The following EDIL3 variants were observed in gnomAD, a reference collection of about 807,000 sequenced individuals.
EDIL3 encodes EGF-like repeat and discoidin I-like domain-containing protein 3.
EDIL3 carries 37 observed loss-of-function variants against 67.4 expected under a neutral mutation model. That is an observed-to-expected ratio of 0.55 (90% confidence interval 0.42 to 0.72). The LOEUF is 0.72. Among genes scored for constraint, EDIL3 ranks in the 30% least tolerant of loss-of-function variants. The pLI is 0.00. For synonymous variants in EDIL3, 195 were observed against 196.3 expected, an observed-to-expected ratio of 0.99 and a Z score of 0.05; for missense variants, 527 against 586.3, an observed-to-expected ratio of 0.90 and a Z score of 1.04.
intron 9 of EDIL3, among the ~76,000 whole-genome samples, chr5:84,025,722 T>C (rs531474393): frequency 6.6e-6 from 1 of 152,134 alleles, no homozygotes; most frequent in Non-Finnish European, 1.5e-5. Context: ...AGATAAATTA[T>C]ATGAAAGCAA....
chr5:84,307,212 T>G (rs1746289914), intron 1 of EDIL3, among the ~76,000 whole-genome samples: 2 of 152,164 alleles, frequency 1.3e-5, no homozygotes. Flanking sequence ...TTTCATGGAA[T>G]AAGTGAATCC....
chr5:84,071,667 A>G (rs180760305), intron 6 of EDIL3, among the ~76,000 whole-genome samples: 1 of 152,320 alleles, frequency 6.6e-6, no homozygotes. Flanking sequence ...AGGGAAGAGG[A>G]TGGATTGCTG....
chr5:84,130,822 T>G (rs145571595), intron 5 of EDIL3, among the ~76,000 whole-genome samples: 4 of 152,248 alleles, frequency 2.6e-5, no homozygotes, highest in African/African-American at 4.8e-5. Flanking sequence ...AAATTGGGTA[T>G]TTGTAGTTCA....
chr5:83,962,663 C>T (rs574367800), intron 10 of EDIL3, among the ~76,000 whole-genome samples: 10 of 151,052 alleles, frequency 6.6e-5, no homozygotes, highest in East Asian at 3.9e-4. Flanking sequence ...ATGAAGGAAA[C>T]GGAGCAGAAA....
intron 1 of EDIL3, among the ~76,000 whole-genome samples, chr5:84,320,440 CTG>C (rs1746612491): frequency 6.6e-6 from 1 of 151,892 alleles, no homozygotes; most frequent in African/African-American, 2.4e-5. Flanking sequence ...CCCTGGGAAG[CTG>C]TATATTCGCT....
chr5:84,301,419 C>T (rs1009494761), intron 1 of EDIL3, among the ~76,000 whole-genome samples: 2 of 152,012 alleles, frequency 1.3e-5, no homozygotes, highest in Non-Finnish European at 2.9e-5. Flanking sequence ...AAATTTTAGA[C>T]TTGTCAATCT....
intron 9 of EDIL3, among the ~76,000 whole-genome samples, chr5:84,014,286 G>C (rs1168947978): frequency 6.6e-6 from 1 of 152,142 alleles, no homozygotes; most frequent in Non-Finnish European, 1.5e-5. Context: ...ACACTTGTAA[G>C]CTACTCAACT....
At chr5:84,179,772 A>G (rs978945547) in intron 4 of EDIL3, among the ~76,000 whole-genome samples, 5 of 152,130 alleles carry the variant, frequency 3.3e-5, no homozygotes, top group African/African-American at 1.2e-4. Flanking sequence ...CTGAACACCT[A>G]CAGTGCTAAG....
intron 1 of EDIL3, among the ~76,000 whole-genome samples, chr5:84,268,680 A>G (rs574612634): frequency 2.6e-5 from 4 of 152,322 alleles, no homozygotes; most frequent in Non-Finnish European, 4.4e-5. Context: ...TTTTATTGTT[A>G]GAAAAAATAA....
At chr5:84,290,942 G>A (rs954433755) in intron 1 of EDIL3, among the ~76,000 whole-genome samples, 1 of 152,232 alleles carries the variant, frequency 6.6e-6, no homozygotes, top group Non-Finnish European at 1.5e-5. Context: ...GAATGCCACT[G>A]AACATTTGTG....
intron 1 of EDIL3, among the ~76,000 whole-genome samples, chr5:84,303,863 T>G (rs1179732004): frequency 1.3e-5 from 2 of 150,308 alleles, no homozygotes; most frequent in Non-Finnish European, 3.0e-5. Context: ...TGTGTGTGTG[T>G]GTGTGCATGC....
chr5:83,969,115 T>G lies in EDIL3; in HGVS notation c.1138-5755A>C, dbSNP rs191599180. Among the ~76,000 whole-genome samples, 229 of 151,900 alleles carry G rather than the reference T, an allele frequency of 1.5e-3. 2 individuals are homozygous for G. Among genetic ancestry groups the G allele is most frequent in the African/African-American group, 5.2e-3 (218 of 41,554 alleles). On this transcript the variant is annotated intron_variant, in intron 9 of 10. Coordinates refer to ENST00000296591, the MANE Select transcript of EDIL3 (RefSeq NM_005711.5). ...GCAGGCAATTAGTTTACTCTTTATT[T>G]CTTAATATTTCAATAGTAATTATGT...
rs1045046372 is a variant in EDIL3 at position 84,158,462 on chromosome 5, C to G, written c.356-21108G>C. ...TTCTCAGAGACATGCCCTGAATTAT[C>G]CTACAAAATAGAATACATCAAAGAT... On this transcript the variant is annotated intron_variant, in intron 4 of 10. Transcript: ENST00000296591. Among the ~76,000 whole-genome samples the G allele has an allele frequency of 7.9e-5, 12 of 152,102 alleles. No individual in the cohort carries two copies. The East Asian group carries it at 9.6e-4, about 12-fold the overall frequency.
At chr5:83,996,782 T>C (rs1428925772) in intron 9 of EDIL3, among the ~76,000 whole-genome samples, 2 of 152,186 alleles carry the variant, frequency 1.3e-5, no homozygotes, top group Non-Finnish European at 2.9e-5. Flanking sequence ...ATATGTGACA[T>C]AAATTCTAGA....
At chr5:84,328,695 T>G (rs1746814583) in intron 1 of EDIL3, among the ~76,000 whole-genome samples, 1 of 152,064 alleles carries the variant, frequency 6.6e-6, no homozygotes, top group Non-Finnish European at 1.5e-5. Flanking sequence ...AGAATTTAGC[T>G]TAAGTAAAAT....
rs1365918861 is a variant in EDIL3, at chr5:84,268,005, C to T, written c.68-13793G>A. Among the ~76,000 whole-genome samples, 70 of 152,072 alleles carry T rather than the reference C, an allele frequency of 4.6e-4. 1 individual carries two copies. Among genetic ancestry groups the T allele is most frequent in the African/African-American group, 4.8e-5 (2 of 41,414 alleles). ...ACAAAAAGTTAGCTGGGCATGGCTG[C>T]GTGTGCCTGTAGTCCCAGCTACTCG... is the stretch of plus-strand genomic sequence containing the variant. On this transcript the variant is annotated intron_variant, in intron 1 of 10. Coordinates refer to ENST00000296591, the MANE Select transcript of EDIL3 (RefSeq NM_005711.5).
intron 2 of EDIL3, among the ~76,000 whole-genome samples, chr5:84,243,039 A>ACCC (rs1225328415): frequency 1.3e-5 from 2 of 149,638 alleles, no homozygotes; most frequent in Non-Finnish European, 3.0e-5. Context: ...TGACATTGAT[A>ACCC]TTAGCTCCCT....
At chr5:84,102,347 C>T (rs1486148672) in intron 6 of EDIL3, among the ~76,000 whole-genome samples, 1 of 151,856 alleles carries the variant, frequency 6.6e-6, no homozygotes, top group Non-Finnish European at 1.5e-5. Context: ...AAGTAAAAGC[C>T]ATCCAAAACG....
intron 1 of EDIL3, among the ~76,000 whole-genome samples, chr5:84,362,708 T>A (rs1747633940): frequency 6.6e-6 from 1 of 152,152 alleles, no homozygotes; most frequent in Non-Finnish European, 1.5e-5. Context: ...TCAATTGACA[T>A]AATTTATAAC....
Sources: gnomAD v4.1 joint callset for allele counts (sites outside exome capture counted in the v4.1 genomes callset) on GRCh38, gnomAD v4.1.1 for gene constraint, MANE v1.5 for transcripts, NCBI Gene and HGNC (gene_info 2026-07-23, HGNC 2026-07-21) for gene names.